Variants in PTCHD4 observed in about 807,000 individuals in gnomAD.
PTCHD4 encodes patched domain-containing protein 4.
A neutral mutation model predicts 58.1 loss-of-function variants in PTCHD4; 33 were observed. The observed-to-expected ratio is 0.57, with a 90% CI of 0.43 to 0.76. PTCHD4 has a LOEUF of 0.76. PTCHD4 is among the 30% of genes least tolerant of loss of function. PTCHD4 has a pLI of 0.00. For missense variants in PTCHD4, 1,058 were observed against 1,027.1 expected (o/e 1.03, Z -0.41); for synonymous variants, 478 against 409.6 (o/e 1.17, Z -2.02).
chr6:48,000,351 T>G (rs1412142468), intron 4 of PTCHD4, among the ~76,000 whole-genome samples: 1 of 152,172 alleles, frequency 6.6e-6, no homozygotes, highest in African/African-American at 2.4e-5. Context: ...TAAACCTCAT[T>G]TTTTGTTTTC....
intron 3 of PTCHD4, among the ~76,000 whole-genome samples, chr6:48,035,986 A>T (rs1251952247): frequency 1.3e-5 from 2 of 152,084 alleles, no homozygotes; most frequent in Non-Finnish European, 2.9e-5. Flanking sequence ...CCCCTGAATA[A>T]ACCCTGCCTT....
At position 47,857,046 on chromosome 6, in the gene PTCHD4, C is replaced by A. The variant is rs1763324371; in HGVS notation, c.*21257G>T. Among the ~76,000 whole-genome samples, 2 of 151,938 alleles carry A rather than the reference C, an allele frequency of 1.3e-5. No individual in the cohort carries two copies. Among genetic ancestry groups the A allele is most frequent in the Admixed American group, 1.3e-4 (2 of 15,220 alleles). Reference sequence around the variant, plus strand: ...TTAGGGAAATTGGAGCCTTCTGGACCCAGCCCAAATAATCTTTTAGAGAAA... The same window carrying A: ...TTAGGGAAATTGGAGCCTTCTGGACACAGCCCAAATAATCTTTTAGAGAAA... On this transcript the variant is annotated 3_prime_UTR_variant, in exon 5 of 5. Coordinates refer to ENST00000339488, the MANE Select transcript of PTCHD4 (RefSeq NM_001384253.1).
chr6:48,086,062 C>T (rs535853720), intron 1 of PTCHD4, among the ~76,000 whole-genome samples: 31 of 151,930 alleles, frequency 2.0e-4, no homozygotes, highest in Middle Eastern at 3.4e-3. Context: ...TCACAGCATC[C>T]GAAATGTTGT....
chr6:48,052,032 A>G (rs1764251107), intron 3 of PTCHD4, among the ~76,000 whole-genome samples: 2 of 152,020 alleles, frequency 1.3e-5, no homozygotes, highest in Admixed American at 1.3e-4. Flanking sequence ...TATCTCTATA[A>G]CCCCAGTGCC....
Position 47,857,330 on chromosome 6 carries a change from G to A in PTCHD4, c.*20973C>T, listed in dbSNP as rs1309987253. Among the ~76,000 whole-genome samples, 2 of 152,016 alleles carry A rather than the reference G, an allele frequency of 1.3e-5. No individual in the cohort carries two copies. The highest frequency in any genetic ancestry group is 2.9e-5 in the Non-Finnish European group (2 of 67,974). On this transcript the variant is annotated 3_prime_UTR_variant, in exon 5 of 5. Transcript: ENST00000339488. ...TGCACATTGACGACACAAAGTTTCT[G>A]CGAATACGTAGTTTCATGTAGGGCA...
At position 47,867,153 on chromosome 6, in the gene PTCHD4, A is replaced by G. The variant is rs943741883; in HGVS notation, c.*11150T>C. On this transcript the variant is annotated 3_prime_UTR_variant, in exon 5 of 5. Coordinates refer to ENST00000339488, the MANE Select transcript of PTCHD4 (RefSeq NM_001384253.1). ...GTTAATTAAAATAATATTAACAGAG[A>G]TAGTTAATTGGAGTGTATTAGTTTG... Among the ~76,000 whole-genome samples, 1 of 151,740 alleles carries G rather than the reference A, an allele frequency of 6.6e-6. No individual in the cohort carries two copies. Among genetic ancestry groups the G allele is most frequent in the Non-Finnish European group, 1.5e-5 (1 of 67,836 alleles).
intron 1 of PTCHD4, among the ~76,000 whole-genome samples, chr6:48,082,766 A>G (rs9473227): frequency 0.16 from 24,117 of 152,136 alleles, 1,957 homozygotes; most frequent in African/African-American, 0.21. Flanking sequence ...TATAAAAATA[A>G]CTAGAGTTCT....
rs1226564877 is a variant in PTCHD4, at chr6:47,865,129, T to C, written c.*13174A>G. Among the ~76,000 whole-genome samples the C allele has an allele frequency of 3.3e-5, 5 of 151,950 alleles. No homozygotes were observed. The highest frequency in any genetic ancestry group is 2.0e-4 in the Admixed American group (3 of 15,230). On this transcript the variant is annotated 3_prime_UTR_variant, in exon 5 of 5. Coordinates refer to ENST00000339488, the MANE Select transcript of PTCHD4 (RefSeq NM_001384253.1). The stretch of plus-strand genomic sequence containing the variant: ...ATATGTAGATTAATCTAGATACTAT[T>C]GTAGTGTCTCTAGCTATAATACGTG...
intron 1 of PTCHD4, among the ~76,000 whole-genome samples, chr6:48,100,386 T>C (rs571420516): frequency 6.6e-6 from 1 of 152,188 alleles, no homozygotes; most frequent in Admixed American, 6.5e-5. Context: ...CCTTGCAATA[T>C]AATTCCTTCC....
At chr6:48,067,224 C>T (rs1764829885) in intron 3 of PTCHD4, among the ~76,000 whole-genome samples, 1 of 152,064 alleles carries the variant, frequency 6.6e-6, no homozygotes, top group South Asian at 2.1e-4. Flanking sequence ...TGCAGCAGCT[C>T]AATCTTGACA....
intron 3 of PTCHD4, among the ~76,000 whole-genome samples, chr6:48,022,602 T>C (rs935220227): frequency 6.6e-6 from 1 of 152,088 alleles, no homozygotes; most frequent in Non-Finnish European, 1.5e-5. Flanking sequence ...TTTCTCAGAA[T>C]AGGAGACGAG....
chr6:47,904,504 A>G (rs528913450), intron 4 of PTCHD4, among the ~76,000 whole-genome samples: 2 of 152,354 alleles, frequency 1.3e-5, no homozygotes, highest in South Asian at 4.1e-4. Flanking sequence ...AATATTTAGT[A>G]TCTGGCTCTT....
At chr6:47,937,173 T>A (rs1766032947) in intron 4 of PTCHD4, among the ~76,000 whole-genome samples, 1 of 152,206 alleles carries the variant, frequency 6.6e-6, no homozygotes, top group African/African-American at 2.4e-5. Context: ...AAGTTTTGAG[T>A]CATGGAAAAG....
intron 1 of PTCHD4, among the ~76,000 whole-genome samples, chr6:48,103,919 C>T (rs1765661793): frequency 6.6e-6 from 1 of 151,844 alleles, no homozygotes; most frequent in Non-Finnish European, 1.5e-5. Context: ...TAAAAAGAAA[C>T]AAACAAAGCC....
intron 4 of PTCHD4, among the ~76,000 whole-genome samples, chr6:47,908,440 G>T (rs937134123): frequency 1.3e-5 from 2 of 152,108 alleles, no homozygotes; most frequent in Admixed American, 6.5e-5. Context: ...ATTGACTAAT[G>T]CCTCCAGGAC....
intron 4 of PTCHD4, among the ~76,000 whole-genome samples, chr6:47,902,475 G>A (rs1764741985): frequency 6.6e-6 from 1 of 152,156 alleles, no homozygotes; most frequent in African/African-American, 2.4e-5. Context: ...TAAAAGCTCA[G>A]GGAAATGCAT....
At chr6:48,003,178 T>C (rs183350223) in intron 4 of PTCHD4, among the ~76,000 whole-genome samples, 112 of 152,316 alleles carry the variant, frequency 7.4e-4, no homozygotes, top group African/African-American at 2.6e-3. Flanking sequence ...CTTGATCTCA[T>C]TGGATTCTAT....
chr6:47,957,628 T>C (rs1411305214), intron 4 of PTCHD4, among the ~76,000 whole-genome samples: 2 of 150,148 alleles, frequency 1.3e-5, no homozygotes, highest in East Asian at 3.9e-4. Flanking sequence ...GGAGATGGAG[T>C]CTCACTCTGT....
chr6:48,059,866 C>A (rs1764555065), intron 3 of PTCHD4, among the ~76,000 whole-genome samples: 1 of 152,154 alleles, frequency 6.6e-6, no homozygotes, highest in South Asian at 2.1e-4. Flanking sequence ...TTTATTGTCT[C>A]TACCATTAAC....
Sources: gnomAD v4.1 joint callset for allele counts (sites outside exome capture counted in the v4.1 genomes callset) on GRCh38, gnomAD v4.1.1 for gene constraint, MANE v1.5 for transcripts, NCBI Gene and HGNC (gene_info 2026-07-23, HGNC 2026-07-21) for gene names.